The following SLC4A2 variants were observed in gnomAD, a reference collection of about 807,000 sequenced individuals.
SLC4A2 encodes the protein anion exchange protein 2.
In SLC4A2, 36 loss-of-function variants were observed where a neutral mutation model predicts 115.0. The observed-to-expected ratio is 0.31, with a 90% confidence interval of 0.24 to 0.41. The LOEUF is 0.41. Among genes scored for constraint, SLC4A2 ranks in the 10% least tolerant of loss-of-function variants. SLC4A2 has a pLI of 1.00. For missense variants in SLC4A2, 1,252 were observed against 1,705.6 expected, an observed-to-expected ratio of 0.73 and a Z score of 4.68; for synonymous variants, 708 against 708.3, an observed-to-expected ratio of 1.00 and a Z score of 0.01.
chr7:151,069,993 C>T lies in SLC4A2; in HGVS notation c.1194C>T (p.Ala398=). The change falls in exon 9 of 23, where the codon GCC becomes GCT. Residue 398 remains alanine (A), a synonymous_variant. Coordinates refer to ENST00000413384, the MANE Select transcript of SLC4A2 (RefSeq NM_003040.4). ...ACCAGCAGACCCTGCCCGGAGTGGCCCACCAGGTGGTGGAGCAGATGGTCA... is the reference window on the plus strand; with the variant it reads ...ACCAGCAGACCCTGCCCGGAGTGGCTCACCAGGTGGTGGAGCAGATGGTCA... The part of the protein sequence containing the change: ...DLDQQTLPGV[A]HQVVEQMVIS... 1 of 1,614,054 alleles carries T rather than the reference C, an allele frequency of 6.2e-7. No homozygotes were observed. The highest frequency in any genetic ancestry group is 1.1e-5 in the South Asian group (1 of 91,088).
rs1251424578 is a variant in SLC4A2 at position 151,070,012 on chromosome 7, A to T, written c.1213A>T (p.Met405Leu). The T allele has an allele frequency of 6.2e-7, 1 of 1,614,076 alleles. No individual in the cohort carries two copies. Among genetic ancestry groups the T allele is most frequent in the African/African-American group, 1.3e-5 (1 of 75,040 alleles). ...PGVAHQVVEQ[M>L]VISDQIKAED... ...AGTGGCCCACCAGGTGGTGGAGCAG[A>T]TGGTCATCTCTGACCAGATCAAGGC... Residue 405 changes from methionine to leucine, a missense_variant, in exon 9 of 23, where the codon ATG becomes TTG. Transcript: ENST00000413384.
At position 151,070,020 on chromosome 7, in the gene SLC4A2, C is replaced by T. The variant is rs1797376206; in HGVS notation, c.1221C>T (p.Ile407=). 1 of 1,613,996 alleles carries T rather than the reference C, an allele frequency of 6.2e-7. No individual in the cohort carries two copies. Among genetic ancestry groups the T allele is most frequent in the Admixed American group, 1.7e-5 (1 of 60,012 alleles). ...VAHQVVEQMV[I]SDQIKAEDRA... Reference sequence around the variant, plus strand: ...ACCAGGTGGTGGAGCAGATGGTCATCTCTGACCAGATCAAGGCCGAGGACA... The same window carrying T: ...ACCAGGTGGTGGAGCAGATGGTCATTTCTGACCAGATCAAGGCCGAGGACA... The change falls in exon 9 of 23, where the codon ATC becomes ATT. Residue 407 remains isoleucine (I), a synonymous_variant. Coordinates refer to ENST00000413384, the MANE Select transcript of SLC4A2 (RefSeq NM_003040.4).
In SLC4A2 at chr7:151,075,353, T is replaced by A. The variant is rs1797588132; in HGVS notation, c.3146T>A (p.Phe1049Tyr). 6.2e-7 allele frequency: 1 copy of A among 1,612,780 alleles called. No homozygotes were observed. Among genetic ancestry groups the A allele is most frequent in the Non-Finnish European group, 8.5e-7 (1 of 1,180,036 alleles). ...GCCATGGGCGGCATCTGTGCCCTCT[T>A]TGGCCTGCCCTGGTTGGCTGCTGCC... ...IVAMGGICALFGLPWLAAATV... is the reference protein window; with the variant it reads ...IVAMGGICALYGLPWLAAATV... Residue 1049 changes from phenylalanine to tyrosine, a missense_variant, in exon 20 of 23, where the codon TTT (phenylalanine) becomes TAT (tyrosine). Physicochemically the swap from Phe to Tyr is conservative, Grantham distance 22 (BLOSUM62 3). Coordinates refer to ENST00000413384, the MANE Select transcript of SLC4A2 (RefSeq NM_003040.4).
In SLC4A2 at chr7:151,060,551, C is replaced by T. The variant is rs774346055; in HGVS notation, c.-64+789C>T. On this transcript the variant is annotated intron_variant, in intron 1 of 22. Coordinates refer to ENST00000413384, the MANE Select transcript of SLC4A2 (RefSeq NM_003040.4). This position sits in a 1 kb window ranked among gnomAD's most constrained non-coding sequence, Gnocchi z 5.9. ...GTGCCCCTACCCGGATTATCGGCAC[C>T]GATGCTCTGGACAGAAGCTGCTTTG... 2.0e-5 allele frequency among the ~76,000 whole-genome samples: 3 copies of T among 152,138 alleles called. No individual in the cohort carries two copies. The highest frequency in any genetic ancestry group is 4.4e-5 in the Non-Finnish European group (3 of 68,026).
At chr7:151,065,781 C>T (rs868655681) in intron 5 of SLC4A2, among the ~76,000 whole-genome samples, 2 of 152,030 alleles carry the variant, frequency 1.3e-5, no homozygotes, top group African/African-American at 4.8e-5. Flanking sequence ...AGGAAAGGGT[C>T]GGGTTTGTGG....
intron 16 of SLC4A2, 63 bp from the exon 17 acceptor site, chr7:151,073,976 C>G: frequency 6.7e-7 from 1 of 1,503,638 alleles, no homozygotes; most frequent in Non-Finnish European, 8.9e-7. Context: ...CCGACACTCA[C>G]TGAGCCCCAG....
In SLC4A2 at chr7:151,074,499, G is replaced by C; in HGVS notation, c.2880+11G>C. ...GACACCTATACCCAGGTAAGGTGCT[G>C]CCCACAGCAGGCAAGTGCTGCTGCC... is the stretch of plus-strand genomic sequence containing the variant. On this transcript the variant is annotated intron_variant, in intron 18 of 22. Transcript: ENST00000413384. 1 of 1,613,166 alleles carries C rather than the reference G, an allele frequency of 6.2e-7. No homozygotes were observed. The highest frequency in any genetic ancestry group is 8.5e-7 in the Non-Finnish European group (1 of 1,179,484).
chr7:151,062,208 G>A (rs1797072923), intron 2 of SLC4A2, among the ~76,000 whole-genome samples, 170 bp downstream of exon 2: 2 of 152,168 alleles, frequency 1.3e-5, no homozygotes, highest in African/African-American at 2.4e-5. Context: ...GGGGGGATGG[G>A]TAGTGGGGGT....
At chr7:151,061,076 T>TCA (rs1200995550) in intron 1 of SLC4A2, 4 of 152,116 alleles carry the variant, frequency 2.6e-5, no homozygotes, top group Non-Finnish European at 5.9e-5. Context: ...ACAGTCACAG[T>TCA]CAGGAGGGTG....
rs766165213 is a variant in SLC4A2, at chr7:151,066,792, C to G, written c.823+31C>G. On this transcript the variant is annotated intron_variant, in intron 6 of 22. Coordinates refer to ENST00000413384, the MANE Select transcript of SLC4A2 (RefSeq NM_003040.4). ...TGCTGGGCCTTGGCCAAGCCCGGCA[C>G]TGGTGGGCAAAGGAGTGAGAGAAAG... The G allele has an allele frequency of 1.9e-6, 3 of 1,588,320 alleles. No individual in the cohort carries two copies. The South Asian group carries it at 3.4e-5, about 18-fold the overall frequency.
chr7:151,060,647 G>A lies in SLC4A2; in HGVS notation c.-64+885G>A, dbSNP rs1359730681. On this transcript the variant is annotated intron_variant, in intron 1 of 22. Transcript: ENST00000413384. The surrounding 1 kb of genome is among the most constrained non-coding windows in gnomAD (Gnocchi z 5.9). ...CGCGACGAGGGCACAGCCTGAGGTG[G>A]GAGTGGGCGCCTGCAGGTGCTCTGG... 6.6e-6 allele frequency among the ~76,000 whole-genome samples: 1 copy of A among 152,174 alleles called. No individual in the cohort carries two copies. The highest frequency in any genetic ancestry group is 2.4e-5 in the African/African-American group (1 of 41,422).
chr7:151,062,015 A>G lies in SLC4A2; in HGVS notation c.28A>G (p.Lys10Glu). 1 of 1,611,062 alleles carries G rather than the reference A, an allele frequency of 6.2e-7. No homozygotes were observed. MSSAPRRPA[K>E]GADSFCTPEP... ...GAGCAGCGCCCCTCGGCGCCCCGCCAAGGGCGCAGATTCTTTCTGTACGGT... is the reference window on the plus strand; with the variant it reads ...GAGCAGCGCCCCTCGGCGCCCCGCCGAGGGCGCAGATTCTTTCTGTACGGT... Residue 10 changes from lysine to glutamate, a missense_variant, in exon 2 of 23, where the codon AAG (lysine) becomes GAG (glutamate). By Grantham distance (56) the Lys-to-Glu change is moderately conservative. This residue lies in a region of SLC4A2 where 74 missense variants were observed against 85.3 expected (regional missense o/e 0.87). Transcript: ENST00000413384.
At position 151,060,746 on chromosome 7, in the gene SLC4A2, C is replaced by G. The variant is rs966505149; in HGVS notation, c.-64+984C>G. 2.6e-5 allele frequency among the ~76,000 whole-genome samples: 4 copies of G among 152,196 alleles called. No individual in the cohort carries two copies. Among genetic ancestry groups the G allele is most frequent in the African/African-American group, 9.7e-5 (4 of 41,442 alleles). ...CACACCACCCGCCCTGGCTGAAGGC[C>G]TGCTGAGGGGGAGGGGAAGAGCGTG... On this transcript the variant is annotated intron_variant, in intron 1 of 22. Transcript: ENST00000413384. The surrounding 1 kb of genome is among the most constrained non-coding windows in gnomAD (Gnocchi z 5.9).
intron 5 of SLC4A2, among the ~76,000 whole-genome samples, chr7:151,065,701 G>A (rs540988707): frequency 3.3e-5 from 5 of 152,346 alleles, no homozygotes; most frequent in East Asian, 3.9e-4. Context: ...TGCGGGCGGC[G>A]GGTTACAGCG....
intron 16 of SLC4A2, 50 bp downstream of exon 16, chr7:151,072,186 G>A (rs1271735739): frequency 6.6e-7 from 1 of 1,523,050 alleles, no homozygotes; most frequent in South Asian, 1.1e-5. Context: ...AGGTCTCAGG[G>A]CTGGAGGGAG....
intron 17 of SLC4A2, 28 bp downstream of exon 17, chr7:151,074,321 G>C (rs1797542608): frequency 1.2e-6 from 2 of 1,609,344 alleles, no homozygotes; most frequent in African/African-American, 2.7e-5. Context: ...CCAAGAGGGG[G>C]TTAGGGGCAG....
chr7:151,061,039 C>A (rs1478094138), intron 1 of SLC4A2, among the ~76,000 whole-genome samples: 1 of 152,066 alleles, frequency 6.6e-6, no homozygotes. Context: ...TCTGCCCCCA[C>A]CACACAGTGT....
In SLC4A2 at chr7:151,069,981, G is replaced by T; in HGVS notation, c.1182G>T (p.Leu394=). The change falls in exon 9 of 23, where the codon CTG becomes CTT. Residue 394 remains leucine (L), a synonymous_variant. Transcript: ENST00000413384. ...TCTTGGATCTGGACCAGCAGACCCT[G>T]CCCGGAGTGGCCCACCAGGTGGTGG... ...AVLLDLDQQT[L]PGVAHQVVEQ... is the part of the protein sequence containing the mutation. The T allele has an allele frequency of 1.2e-6, 2 of 1,614,062 alleles. No individual in the cohort carries two copies. The highest frequency in any genetic ancestry group is 1.7e-6 in the Non-Finnish European group (2 of 1,180,022).
At chr7:151,074,334 A>AG (rs756082010) in intron 17 of SLC4A2, 41 bp downstream of exon 17, 2 of 1,610,184 alleles carry the variant, frequency 1.2e-6, no homozygotes, top group South Asian at 1.1e-5. Flanking sequence ...AGGGGCAGGA[A>AG]GGGGGGTGGC....
Sources: gnomAD v4.1 joint callset for allele counts (sites outside exome capture counted in the v4.1 genomes callset) on GRCh38, gnomAD v4.1.1 for gene constraint, gnomAD v4.1.1 regional missense constraint, Gnocchi (gnomAD v3.1) non-coding constraint, MANE v1.5 for transcripts, NCBI Gene and HGNC (gene_info 2026-07-23, HGNC 2026-07-21) for gene names.